PIEZO2: variants seen among roughly 807,000 people sequenced by gnomAD.
PIEZO2 encodes piezo type mechanosensitive ion channel component 2.
In PIEZO2, 172 loss-of-function variants were observed where a neutral mutation model predicts 337.3. That is an observed-to-expected ratio of 0.51 (90% CI 0.45 to 0.58). The LOEUF (loss-of-function observed/expected upper bound fraction) is 0.58. Among genes scored for constraint, PIEZO2 ranks in the 20% least tolerant of loss-of-function variants. The pLI is 0.00. For missense variants in PIEZO2, 3,028 were observed against 3,391.3 expected (o/e 0.89, Z 2.66); for synonymous variants, 1,251 against 1,228.5 (o/e 1.02, Z -0.38).
At chr18:10,928,395 A>T (rs264263) in intron 3 of PIEZO2, among the ~76,000 whole-genome samples, 95,750 of 152,002 alleles carry the variant, frequency 0.63, 30,676 homozygotes, top group African/African-American at 0.74. Context: ...CCAGCTTAGG[A>T]CTCTCACTGA....
intron 2 of PIEZO2, among the ~76,000 whole-genome samples, chr18:11,019,587 T>G (rs1195077235): frequency 6.6e-6 from 1 of 152,176 alleles, no homozygotes; most frequent in East Asian, 1.9e-4. Flanking sequence ...GGAAGACAGT[T>G]TTCTAGTTTC....
At chr18:11,044,738 C>T (rs2660248) in intron 2 of PIEZO2, among the ~76,000 whole-genome samples, 31,090 of 152,046 alleles carry the variant, frequency 0.2, 3,272 homozygotes, top group East Asian at 0.37. Context: ...ATAGAATTAG[C>T]GAACACTGAA....
chr18:11,072,983 C>A (rs556230797), intron 1 of PIEZO2, among the ~76,000 whole-genome samples: 2 of 152,216 alleles, frequency 1.3e-5, no homozygotes, highest in Non-Finnish European at 2.9e-5. Flanking sequence ...GGCATATGCT[C>A]TGTATGTATG....
At chr18:11,121,384 G>A (rs1380106727) in intron 1 of PIEZO2, among the ~76,000 whole-genome samples, 1 of 152,166 alleles carries the variant, frequency 6.6e-6, no homozygotes, top group African/African-American at 2.4e-5. Flanking sequence ...GTAGAACCCT[G>A]TCTCTACAAA....
At chr18:10,998,861 C>CAAAAAAAAAA (rs10544415) in intron 2 of PIEZO2, among the ~76,000 whole-genome samples, 3 of 118,810 alleles carry the variant, frequency 2.5e-5, no homozygotes, top group African/African-American at 3.0e-5. Context: ...TCAAATACAG[C>CAAAAAAAAAA]AAAAAAAAAA....
chr18:10,987,161 A>T (rs1254675959), intron 2 of PIEZO2, among the ~76,000 whole-genome samples: 1 of 152,048 alleles, frequency 6.6e-6, no homozygotes, highest in Non-Finnish European at 1.5e-5. Context: ...TCAATGCAAT[A>T]TCTATCAAAA....
At chr18:10,705,290 G>A in intron 41 of PIEZO2, 46 bp downstream of exon 41, 1 of 1,465,466 alleles carries the variant, frequency 6.8e-7, no homozygotes, top group Non-Finnish European at 9.0e-7. Flanking sequence ...TTATGTTTAA[G>A]TGGTGATTTG....
chr18:10,811,902 C>T (rs916092891), intron 7 of PIEZO2, among the ~76,000 whole-genome samples: 3 of 152,284 alleles, frequency 2.0e-5, no homozygotes, highest in Admixed American at 6.5e-5. Context: ...GGTGCGATCT[C>T]CGCTCACTGC....
chr18:10,772,844 C>A (rs891157186), intron 20 of PIEZO2, among the ~76,000 whole-genome samples: 3 of 152,124 alleles, frequency 2.0e-5, no homozygotes. Context: ...AAAAGAAGAG[C>A]CCAAATAATA....
intron 8 of PIEZO2, among the ~76,000 whole-genome samples, chr18:10,804,301 A>G (rs1425181284): frequency 6.6e-6 from 1 of 152,234 alleles, no homozygotes; most frequent in Non-Finnish European, 1.5e-5. Context: ...AGAGATGCAC[A>G]TGGCTCTTAG....
chr18:11,036,606 T>G (rs1056433184), intron 2 of PIEZO2, among the ~76,000 whole-genome samples: 3 of 151,592 alleles, frequency 2.0e-5, no homozygotes, highest in Admixed American at 1.3e-4. Flanking sequence ...ATAAAATATA[T>G]ACATATTTTA....
In PIEZO2 at chr18:10,715,740, A is replaced by T; in HGVS notation, c.5166T>A (p.Thr1722=). Residue 1722 remains threonine (T), a synonymous_variant, in exon 38 of 56, where the codon ACT becomes ACA. Coordinates refer to ENST00000674853, the MANE Select transcript of PIEZO2 (RefSeq NM_001378183.1). ...VLFLATVDSF[T]TWLNSISREH... ...CCCTTGAAATGGAGTTAAGCCAAGT[A>T]GTGAAACTGTCCACTGTTGCCAGAA... 6.5e-7 allele frequency: 1 copy of T among 1,535,806 alleles called. No individual in the cohort carries two copies. Among genetic ancestry groups the T allele is most frequent in the African/African-American group, 1.4e-5 (1 of 73,124 alleles).
At chr18:10,977,993 T>C (rs541944235) in intron 3 of PIEZO2, among the ~76,000 whole-genome samples, 35 of 152,210 alleles carry the variant, frequency 2.3e-4, no homozygotes, top group African/African-American at 8.2e-4. Context: ...AATTAGACAG[T>C]GGTGATAGCT....
At position 11,065,993 on chromosome 18, in the gene PIEZO2, C is replaced by T. The variant is rs191982940; in HGVS notation, c.160+134G>A. The stretch of plus-strand genomic sequence containing the variant: ...TTAGTGTAGTTCTTAAAATGTTTGA[C>T]ACCCACTCCATGCCATATTAGCCCT... On this transcript the variant is annotated intron_variant, in intron 2 of 55. Coordinates refer to ENST00000674853, the MANE Select transcript of PIEZO2 (RefSeq NM_001378183.1). 4.9e-5 allele frequency: 32 copies of T among 652,786 alleles called. 1 individual carries two copies. Among genetic ancestry groups the T allele is most frequent in the South Asian group, 3.8e-4 (18 of 47,636 alleles). The allele number at this position is 652,786 out of a possible 1,614,324, so 40.4% of individuals were successfully genotyped here.
intron 3 of PIEZO2, among the ~76,000 whole-genome samples, chr18:10,966,141 C>T (rs998756364): frequency 2.0e-5 from 3 of 152,174 alleles, no homozygotes; most frequent in East Asian, 1.9e-4. Flanking sequence ...TCCTCCATCA[C>T]GCTGGAATTC....
At chr18:10,869,679 A>C (rs1247109995) in intron 5 of PIEZO2, among the ~76,000 whole-genome samples, 1 of 152,168 alleles carries the variant, frequency 6.6e-6, no homozygotes, top group Non-Finnish European at 1.5e-5. Context: ...CAAGAAGAAG[A>C]AGCACTCTTC....
At chr18:10,786,252 T>C (rs752083881) in intron 16 of PIEZO2, among the ~76,000 whole-genome samples, 4 of 152,254 alleles carry the variant, frequency 2.6e-5, no homozygotes, top group Non-Finnish European at 5.9e-5. Context: ...TTACACTAAA[T>C]AGTTTTGTTT....
rs1414718618 is a variant in PIEZO2, at chr18:10,824,018, G to GAATCCTAAA, written c.918-16745_918-16744insTTTAGGATT. On this transcript the variant is annotated intron_variant, in intron 7 of 55. Coordinates refer to ENST00000674853, the MANE Select transcript of PIEZO2 (RefSeq NM_001378183.1). The surrounding 1 kb of genome is among the most constrained non-coding windows in gnomAD (Gnocchi z 4.4). ...CCTCAAGCCTTATCCTAAGGTCAGT[G>GAATCCTAAA]TATATCATTCCCATGAATATTTAAC... Among the ~76,000 whole-genome samples the GAATCCTAAA allele has an allele frequency of 6.6e-6, 1 of 152,148 alleles. No homozygotes were observed. The highest frequency in any genetic ancestry group is 2.4e-5 in the African/African-American group (1 of 41,434).
rs542811613 is a variant in PIEZO2 at position 10,672,042 on chromosome 18, A to G, written c.8346-263T>C. 1.8e-3 allele frequency among the ~76,000 whole-genome samples: 269 copies of G among 152,228 alleles called. 3 individuals are homozygous for G. Among genetic ancestry groups the G allele is most frequent in the Non-Finnish European group, 3.2e-3 (218 of 68,040 alleles). On this transcript the variant is annotated intron_variant, in intron 55 of 55. Transcript: ENST00000674853. This position sits in a 1 kb window ranked among gnomAD's most constrained non-coding sequence, Gnocchi z 4.7. Reference sequence around the variant, plus strand: ...ACAATCTCACATTCTGTAAATAATCAATGCTAACCGTTTCATGTATGAACT... The same window carrying G: ...ACAATCTCACATTCTGTAAATAATCGATGCTAACCGTTTCATGTATGAACT...
Sources: allele counts gnomAD v4.1 joint callset (sites outside exome capture counted in the v4.1 genomes callset), GRCh38; gene constraint gnomAD v4.1.1; non-coding constraint Gnocchi (gnomAD v3.1); transcripts MANE v1.5; gene names NCBI Gene and HGNC (gene_info 2026-07-23, HGNC 2026-07-21).